Variants in CHST13 observed in about 807,000 individuals in gnomAD.
The protein encoded by CHST13 is C4ST-3.
A neutral mutation model predicts 7.0 loss-of-function variants in CHST13; 1 was observed. The observed-to-expected ratio is 0.14, with a 90% CI of 0.05 to 0.68. The LOEUF (loss-of-function observed/expected upper bound fraction) is 0.68. Ranked by LOEUF, CHST13 falls within the 30% of genes least tolerant of loss-of-function variation. The probability of loss-of-function intolerance (pLI) is 0.82; values close to 1 mark genes in which losing one functional copy is unlikely to be tolerated. For synonymous variants in CHST13, 257 were observed against 240.9 expected, an observed-to-expected ratio of 1.07 and a Z score of -0.62; for missense variants, 572 against 507.9, an observed-to-expected ratio of 1.13 and a Z score of -1.21.
In CHST13 at chr3:126,524,294, T is replaced by C; in HGVS notation, c.-39T>C. On this transcript the variant is annotated 5_prime_UTR_variant, in exon 1 of 3. Transcript: ENST00000319340. The stretch of plus-strand genomic sequence containing the variant: ...GCCAGTGCAACTCCGCCCCCAGCCG[T>C]ATCCAGCGGACTGTCCTCCGCCGCG... The C allele has an allele frequency of 8.2e-7, 1 of 1,221,258 alleles. No individual in the cohort carries two copies. The highest frequency in any genetic ancestry group is 1.0e-6 in the Non-Finnish European group (1 of 980,136). The allele number at this position is 1,221,258 out of a possible 1,614,324, so 75.7% of individuals were successfully genotyped here. A position where few individuals can be genotyped will look rare whatever the true frequency, so the allele number is the denominator to read the frequency against.
chr3:126,538,489 G>T (rs1240000170), intron 2 of CHST13, among the ~76,000 whole-genome samples: 1 of 152,248 alleles, frequency 6.6e-6, no homozygotes, highest in African/African-American at 2.4e-5. Context: ...CAGTGCTTCA[G>T]CAACGACACA....
chr3:126,529,497 G>A (rs1162468702), intron 1 of CHST13: 3 of 844,118 alleles, frequency 3.6e-6, no homozygotes, highest in African/African-American at 1.8e-5. Flanking sequence ...TTCTGGCACA[G>A]CAAGGAAGCT....
At chr3:126,539,808 C>G in intron 2 of CHST13, among the ~76,000 whole-genome samples, 1 of 99,538 alleles carries the variant, frequency 1.0e-5, no homozygotes, top group African/African-American at 4.2e-5. Flanking sequence ...CACCACACCA[C>G]ACACCACAAA....
At chr3:126,538,272 T>C (rs1225776276) in intron 2 of CHST13, among the ~76,000 whole-genome samples, 1 of 152,254 alleles carries the variant, frequency 6.6e-6, no homozygotes, top group African/African-American at 2.4e-5. Flanking sequence ...TGTTGACTTC[T>C]GTCATAGAGC....
rs1937002231 is a variant in CHST13, at chr3:126,542,872, G to C, written c.*294G>C. ...TAGATGGGCAAGGACTTGATAACCA[G>C]GGTTTTAGGCTTTTAAAGGCCATTT... On this transcript the variant is annotated 3_prime_UTR_variant, in exon 3 of 3. Coordinates refer to ENST00000319340, the MANE Select transcript of CHST13 (RefSeq NM_152889.3). 3 of 302,878 alleles carry C rather than the reference G, an allele frequency of 9.9e-6. No individual in the cohort carries two copies. The highest frequency in any genetic ancestry group is 1.8e-5 in the Non-Finnish European group (3 of 166,412). 18.8% of individuals were successfully genotyped at this position (302,878 alleles called of 1,614,324 possible). A position where few individuals can be genotyped will look rare whatever the true frequency, so the allele number is the denominator to read the frequency against.
At chr3:126,534,072 T>C (rs1936713232) in intron 1 of CHST13, among the ~76,000 whole-genome samples, 1 of 152,190 alleles carries the variant, frequency 6.6e-6, no homozygotes. Context: ...ACATCCCCTC[T>C]TTCTTTCCTG....
intron 1 of CHST13, among the ~76,000 whole-genome samples, chr3:126,529,839 C>T (rs189814014): frequency 2.6e-5 from 4 of 152,350 alleles, no homozygotes; most frequent in South Asian, 2.1e-4. Context: ...AAGCAGTCAC[C>T]GCGTGGCTTT....
At chr3:126,529,462 C>T (rs1012617590) in intron 1 of CHST13, 1 of 1,170,768 alleles carries the variant, frequency 8.5e-7, no homozygotes, top group African/African-American at 1.6e-5. Context: ...GATGCTGGCA[C>T]CGGTGGCCTG....
intron 2 of CHST13, among the ~76,000 whole-genome samples, chr3:126,540,687 C>A (rs957570412): frequency 3.9e-5 from 6 of 152,186 alleles, no homozygotes; most frequent in African/African-American, 1.4e-4. Flanking sequence ...ACTTCATGGA[C>A]AAGTTTTTTG....
chr3:126,529,405 G>A (rs1936603639), intron 1 of CHST13: 1 of 1,288,664 alleles, frequency 7.8e-7, no homozygotes, highest in African/African-American at 1.5e-5. Context: ...CAGGTGTCAG[G>A]ACAAGGGGGC....
At chr3:126,537,475 G>T (rs1936822469) in intron 2 of CHST13, among the ~76,000 whole-genome samples, 1 of 152,208 alleles carries the variant, frequency 6.6e-6, no homozygotes, top group South Asian at 2.1e-4. Flanking sequence ...GTGTTGGGTA[G>T]GTGGCTGCTC....
At chr3:126,534,962 G>A (rs1212672766) in intron 1 of CHST13, among the ~76,000 whole-genome samples, 2 of 131,044 alleles carry the variant, frequency 1.5e-5, no homozygotes, top group Non-Finnish European at 3.2e-5. Flanking sequence ...TCCCCAGCCG[G>A]AGACAGACCA....
At chr3:126,539,936 A>G (rs984436304) in intron 2 of CHST13, among the ~76,000 whole-genome samples, 4 of 147,724 alleles carry the variant, frequency 2.7e-5, no homozygotes, top group Admixed American at 1.4e-4. Flanking sequence ...CACCCGCCAC[A>G]CATGCCACAC....
rs1309709543 is a variant in CHST13, at chr3:126,533,956, G to C, written c.98-2315G>C. Among the ~76,000 whole-genome samples, 7 of 152,086 alleles carry C rather than the reference G, an allele frequency of 4.6e-5. No individual in the cohort carries two copies. The South Asian group carries it at 1.4e-3, about 31-fold the overall frequency. On this transcript the variant is annotated intron_variant, in intron 1 of 2. Transcript: ENST00000319340. ...TCTTGAGTCAATTTCAAGAATTTCT[G>C]TCTTTCTAGGAATTTGTCTATTTCT...
chr3:126,536,624 A>G (rs946596222), intron 2 of CHST13, among the ~76,000 whole-genome samples: 2 of 152,040 alleles, frequency 1.3e-5, no homozygotes, highest in Non-Finnish European at 2.9e-5. Context: ...AAAAGAGTCA[A>G]AACAGACCCT....
chr3:126,536,379 GCATGCCCCCCTC>G, intron 2 of CHST13, 26 bp downstream of exon 2: 1 of 1,580,818 alleles, frequency 6.3e-7, no homozygotes, highest in South Asian at 1.1e-5. Context: ...CTCGACCCAG[GCATGCCCCCCTC>G]CATCCCAGCC....
At chr3:126,533,836 G>A (rs966616475) in intron 1 of CHST13, among the ~76,000 whole-genome samples, 4 of 152,092 alleles carry the variant, frequency 2.6e-5, no homozygotes, top group African/African-American at 9.7e-5. Flanking sequence ...TACCAGTGAA[G>A]CCATCTGATC....
intron 2 of CHST13, among the ~76,000 whole-genome samples, chr3:126,539,842 A>G: frequency 1.2e-5 from 1 of 82,530 alleles, no homozygotes; most frequent in Non-Finnish European, 2.3e-5. Context: ...CACACACCAC[A>G]CACATCACAC....
At chr3:126,541,584 T>G (rs1328193878) in intron 2 of CHST13, 149 bp from the exon 3 acceptor site, 1 of 644,492 alleles carries the variant, frequency 1.6e-6, no homozygotes, top group Admixed American at 3.9e-5. Flanking sequence ...AACCACACAG[T>G]GATCAGTGAC....
Sources: allele counts gnomAD v4.1 joint callset (sites outside exome capture counted in the v4.1 genomes callset), GRCh38; gene constraint gnomAD v4.1.1; transcripts MANE v1.5; gene names NCBI Gene and HGNC (gene_info 2026-07-23, HGNC 2026-07-21).